The following DAB1 variants were observed in gnomAD, a reference collection of about 807,000 sequenced individuals.
The protein encoded by DAB1 is disabled homolog 1.
Under a neutral mutation model 64.6 loss-of-function variants are expected in DAB1, and 15 were observed. The observed-to-expected ratio is 0.23, with a 90% CI of 0.16 to 0.36. The LOEUF is 0.36. DAB1 is among the 10% of genes least tolerant of loss of function. The probability of loss-of-function intolerance (pLI) is 1.00; values close to 1 mark genes in which losing one functional copy is unlikely to be tolerated. For synonymous variants in DAB1, 235 were observed against 251.9 expected (o/e 0.93, Z 0.64); for missense variants, 596 against 706.7 (o/e 0.84, Z 1.78).
intron 1 of DAB1, among the ~76,000 whole-genome samples, chr1:58,542,681 T>C (rs561847166): frequency 2.0e-5 from 3 of 152,316 alleles, no homozygotes; most frequent in Non-Finnish European, 4.4e-5. Flanking sequence ...GCCCACTTTC[T>C]TTCCTTGACC....
intron 6 of DAB1, among the ~76,000 whole-genome samples, chr1:57,736,652 A>G (rs1647705518): frequency 6.6e-6 from 1 of 152,150 alleles, no homozygotes; most frequent in Admixed American, 6.5e-5. Flanking sequence ...ATTTTTAAGG[A>G]AACAGTGATT....
chr1:57,054,430 G>A (rs1649530256), intron 9 of DAB1, among the ~76,000 whole-genome samples: 1 of 151,128 alleles, frequency 6.6e-6, no homozygotes, highest in Admixed American at 6.6e-5. Context: ...TGCAGTAATG[G>A]GACGCTTAGC....
intron 8 of DAB1, 75 bp downstream of exon 8, chr1:57,069,285 G>T: frequency 1.6e-6 from 2 of 1,256,816 alleles, no homozygotes; most frequent in Non-Finnish European, 2.3e-6. Context: ...AGAACCCTTG[G>T]TTCTTTAGAC....
intron 2 of DAB1, among the ~76,000 whole-genome samples, chr1:58,524,632 T>G (rs146996488): frequency 4.3e-4 from 65 of 152,326 alleles, no homozygotes; most frequent in African/African-American, 1.2e-3. Context: ...TCAACGGTCC[T>G]TATTCTGGAT....
chr1:57,901,964 C>T (rs980595486), intron 5 of DAB1, among the ~76,000 whole-genome samples: 3 of 151,728 alleles, frequency 2.0e-5, no homozygotes, highest in Admixed American at 6.6e-5. Flanking sequence ...AACAAACACG[C>T]GGGCAACATG....
chr1:57,362,303 C>A (rs1213425682), intron 1 of DAB1, among the ~76,000 whole-genome samples: 2 of 151,698 alleles, frequency 1.3e-5, no homozygotes, highest in Non-Finnish European at 1.5e-5. Context: ...GACTAACACA[C>A]AACATGTGCT....
In DAB1 at chr1:58,389,723, G is replaced by A. The variant is rs1317934288; in HGVS notation, n.258-46320C>T. Among the ~76,000 whole-genome samples, 3 of 152,202 alleles carry A rather than the reference G, an allele frequency of 2.0e-5. 1 individual carries two copies. The East Asian group carries it at 5.8e-4, about 29-fold the overall frequency. On this transcript the variant is annotated intron_variant and non_coding_transcript_variant, in intron 3 of 20. Coordinates refer to the DAB1 transcript ENST00000485760. The stretch of plus-strand genomic sequence containing the variant: ...CACAGATTCATTATTGTTGTTATTT[G>A]TATTCTCCACTTCATCTGCTAGAAT...
intron 1 of DAB1, among the ~76,000 whole-genome samples, chr1:57,317,252 C>CAATGA (rs2100752421): frequency 6.6e-6 from 1 of 152,250 alleles, no homozygotes; most frequent in Non-Finnish European, 1.5e-5. Context: ...CAGATCCATC[C>CAATGA]CGGGTGAGCC....
chr1:57,018,757 T>C (rs1446675163), intron 11 of DAB1, among the ~76,000 whole-genome samples: 1 of 152,218 alleles, frequency 6.6e-6, no homozygotes, highest in Non-Finnish European at 1.5e-5. Context: ...TGGTACTTCA[T>C]TGTCTTAAGT....
At chr1:57,746,997 G>A (rs1648307728) in intron 6 of DAB1, among the ~76,000 whole-genome samples, 1 of 151,892 alleles carries the variant, frequency 6.6e-6, no homozygotes, top group Non-Finnish European at 1.5e-5. Context: ...TTATACGTTG[G>A]CTTTTTGTGT....
rs114383495 is a variant in DAB1 at position 57,835,994 on chromosome 1, A to G, written n.88-9539T>C. Among the ~76,000 whole-genome samples the G allele has an allele frequency of 9.2e-3, 1,395 of 152,178 alleles. 21 individuals are homozygous for G. Among genetic ancestry groups the G allele is most frequent in the African/African-American group, 0.033 (1,353 of 41,512 alleles). On this transcript the variant is annotated intron_variant and non_coding_transcript_variant, in intron 1 of 1. Transcript: ENST00000477280. ...AGGAATAGTGATTCCAGGTATCAGA[A>G]CTCCTTGCCTTCACTGAGGCTCACT...
At chr1:57,104,921 G>A (rs1655005520) in intron 4 of DAB1, among the ~76,000 whole-genome samples, 1 of 152,102 alleles carries the variant, frequency 6.6e-6, no homozygotes, top group African/African-American at 2.4e-5. Context: ...CCAGTCCTAG[G>A]CTGCTTCACT....
intron 6 of DAB1, among the ~76,000 whole-genome samples, chr1:57,749,144 G>A (rs1648433227): frequency 6.6e-6 from 1 of 152,194 alleles, no homozygotes; most frequent in South Asian, 2.1e-4. Context: ...CCTACGGGAT[G>A]GAGTGGAAGT....
At chr1:57,498,702 A>G (rs1644256727) in intron 7 of DAB1, among the ~76,000 whole-genome samples, 1 of 152,240 alleles carries the variant, frequency 6.6e-6, no homozygotes, top group Admixed American at 6.5e-5. Flanking sequence ...AATAAGAGAC[A>G]GACCTTTTAA....
intron 3 of DAB1, among the ~76,000 whole-genome samples, chr1:58,447,722 G>A (rs1645085094): frequency 1.3e-5 from 2 of 152,110 alleles, no homozygotes; most frequent in South Asian, 4.1e-4. Context: ...TTCTTGAGGA[G>A]GTGACATTTG....
intron 6 of DAB1, among the ~76,000 whole-genome samples, chr1:57,684,195 A>T (rs1186090918): frequency 6.6e-6 from 1 of 152,190 alleles, no homozygotes; most frequent in East Asian, 1.9e-4. Flanking sequence ...GGAAAATACA[A>T]GTTTGAGGAT....
intron 6 of DAB1, among the ~76,000 whole-genome samples, chr1:57,769,484 C>T (rs1649463357): frequency 6.6e-6 from 1 of 152,100 alleles, no homozygotes; most frequent in African/African-American, 2.4e-5. Context: ...ATGTAGGAAG[C>T]TTAAGAATAT....
chr1:57,382,108 G>A (rs551559190), intron 1 of DAB1, among the ~76,000 whole-genome samples: 16 of 152,262 alleles, frequency 1.1e-4, no homozygotes, highest in African/African-American at 3.4e-4. Context: ...CCCTCTTCCC[G>A]TCTCAGTTGA....
chr1:58,214,851 T>C (rs1658757837), intron 4 of DAB1, among the ~76,000 whole-genome samples: 1 of 152,216 alleles, frequency 6.6e-6, no homozygotes, highest in Non-Finnish European at 1.5e-5. Context: ...CAGGCCACTG[T>C]GGCCTCATGG....
Sources: gnomAD v4.1 joint callset for allele counts (sites outside exome capture counted in the v4.1 genomes callset) on GRCh38, gnomAD v4.1.1 for gene constraint, MANE v1.5 for transcripts, NCBI Gene and HGNC (gene_info 2026-07-23, HGNC 2026-07-21) for gene names.